ATG5: variants seen among roughly 807,000 people sequenced by gnomAD.
ATG5 encodes autophagy protein 5.
In ATG5, 14 loss-of-function variants were observed where a neutral mutation model predicts 36.5. The observed-to-expected ratio is 0.38, with a 90% CI of 0.25 to 0.60. ATG5 has a LOEUF of 0.60. ATG5 is among the 20% of genes least tolerant of loss of function. The pLI, the probability that ATG5 is intolerant of heterozygous loss-of-function variation, is 0.60. For missense variants in ATG5, 195 were observed against 326.7 expected (o/e 0.60, Z 3.11); for synonymous variants, 95 against 101.5 (o/e 0.94, Z 0.38).
intron 4 of ATG5, among the ~76,000 whole-genome samples, chr6:106,286,118 C>T (rs145476582): frequency 9.6e-4 from 146 of 151,410 alleles, no homozygotes; most frequent in Non-Finnish European, 1.9e-3. Flanking sequence ...GCAACCCAGG[C>T]CTCAGCCAAG....
intron 2 of ATG5, among the ~76,000 whole-genome samples, chr6:106,314,890 C>T (rs968991142): frequency 6.6e-6 from 1 of 152,068 alleles, no homozygotes; most frequent in Non-Finnish European, 1.5e-5. Context: ...AGATTACTCA[C>T]GTGTATATAA....
At chr6:106,196,824 C>G (rs1776214422) in intron 7 of ATG5, among the ~76,000 whole-genome samples, 2 of 110,506 alleles carry the variant, frequency 1.8e-5, no homozygotes, top group Non-Finnish European at 4.5e-5. Flanking sequence ...ACTCTAGGCA[C>G]TCCTTAACCA....
chr6:106,249,305 T>C (rs942943832), intron 5 of ATG5, among the ~76,000 whole-genome samples: 1 of 152,196 alleles, frequency 6.6e-6, no homozygotes. Context: ...TCTATCTCTA[T>C]AGTTTGCCTA....
rs1044680295 is a variant in ATG5, at chr6:106,262,342, G to C, written c.479-14098C>G. 3.9e-5 allele frequency among the ~76,000 whole-genome samples: 6 copies of C among 152,094 alleles called. No individual in the cohort carries two copies. In the East Asian group the frequency reaches 1.2e-3, roughly 29 times the overall value. ...GCCTCCCAAAGTGCTGGGATTACAG[G>C]CATGAGCCACTGCACCCGGCCGGTC... is the stretch of plus-strand genomic sequence containing the variant. On this transcript the variant is annotated intron_variant, in intron 5 of 7. Coordinates refer to ENST00000369076, the MANE Select transcript of ATG5 (RefSeq NM_004849.4).
At chr6:106,261,088 C>G (rs1236330106) in intron 5 of ATG5, among the ~76,000 whole-genome samples, 2 of 152,042 alleles carry the variant, frequency 1.3e-5, no homozygotes, top group Non-Finnish European at 2.9e-5. Context: ...AGAGACTAGG[C>G]AAGTTTAAAT....
chr6:106,313,251 G>A (rs1339485072), intron 2 of ATG5, among the ~76,000 whole-genome samples: 1 of 152,176 alleles, frequency 6.6e-6, no homozygotes, highest in African/African-American at 2.4e-5. Context: ...AGAAAGTTAA[G>A]GGAGGTCCTA....
At chr6:106,192,637 T>A (rs1000171959) in intron 7 of ATG5, among the ~76,000 whole-genome samples, 12 of 152,196 alleles carry the variant, frequency 7.9e-5, no homozygotes, top group Non-Finnish European at 1.6e-4. Context: ...AAGTCTAAGA[T>A]CAAATGATAT....
At chr6:106,312,555 G>A (rs1770687641) in intron 2 of ATG5, among the ~76,000 whole-genome samples, 1 of 150,784 alleles carries the variant, frequency 6.6e-6, no homozygotes. Flanking sequence ...TGAAAAAAAA[G>A]AAAGCAGAGC....
intron 2 of ATG5, among the ~76,000 whole-genome samples, chr6:106,309,093 G>C (rs973466837): frequency 1.1e-4 from 17 of 152,138 alleles, no homozygotes; most frequent in African/African-American, 4.1e-4. Flanking sequence ...GAACCGACAA[G>C]TAGATAAAAG....
chr6:106,251,536 T>A (rs1169419421), intron 5 of ATG5, among the ~76,000 whole-genome samples: 1 of 147,348 alleles, frequency 6.8e-6, no homozygotes, highest in African/African-American at 2.5e-5. Flanking sequence ...AAAAAAAAAA[T>A]CTGTATTAAT....
At chr6:106,233,896 T>C (rs546495029) in intron 6 of ATG5, among the ~76,000 whole-genome samples, 3 of 152,202 alleles carry the variant, frequency 2.0e-5, no homozygotes, top group Non-Finnish European at 2.9e-5. Context: ...GAATGCGGCT[T>C]CCCAGAAATA....
intron 4 of ATG5, among the ~76,000 whole-genome samples, chr6:106,288,945 T>TGC (rs1780195513): frequency 1.3e-5 from 2 of 152,182 alleles, no homozygotes. Flanking sequence ...TGTGTGTGTG[T>TGC]GTGTGGCAGA....
chr6:106,236,321 T>C (rs145922719), intron 6 of ATG5, among the ~76,000 whole-genome samples: 16 of 152,312 alleles, frequency 1.1e-4, no homozygotes, highest in African/African-American at 3.6e-4. Context: ...TTCTCGGACA[T>C]ATATTTTCAT....
intron 6 of ATG5, among the ~76,000 whole-genome samples, chr6:106,246,473 T>C (rs1474054491): frequency 6.7e-6 from 1 of 150,000 alleles, no homozygotes; most frequent in East Asian, 2.0e-4. Context: ...TGTATTATAA[T>C]AACACAACAC....
intron 1 of ATG5, among the ~76,000 whole-genome samples, chr6:106,318,843 A>T (rs143576190): frequency 3.0e-4 from 46 of 152,366 alleles, no homozygotes; most frequent in African/African-American, 9.6e-4. Context: ...TATATAAGAA[A>T]GCATGTCTCC....
At chr6:106,292,664 A>G (rs1780360224) in intron 4 of ATG5, among the ~76,000 whole-genome samples, 1 of 152,152 alleles carries the variant, frequency 6.6e-6, no homozygotes, top group Non-Finnish European at 1.5e-5. Flanking sequence ...TTTATTTTTT[A>G]TAGAGGCAGG....
rs923145948 is a variant in ATG5, at chr6:106,195,832, A to C, written c.691+6140T>G. On this transcript the variant is annotated intron_variant, in intron 7 of 7. Transcript: ENST00000369076. ...CTAAAAAAAAAAAAAAAAAAAAAAAACCACAAGGGAAGTCACACTGTGTAT... is the reference window on the plus strand; with the variant it reads ...CTAAAAAAAAAAAAAAAAAAAAAAACCCACAAGGGAAGTCACACTGTGTAT... Among the ~76,000 whole-genome samples the C allele has an allele frequency of 3.5e-5, 5 of 144,234 alleles. No individual in the cohort carries two copies. In the East Asian group the frequency reaches 6.1e-4, roughly 17 times the overall value. 94.6% of individuals were successfully genotyped at this position (144,234 alleles called of 152,430 possible).
At chr6:106,214,703 G>T (rs117494489) in intron 6 of ATG5, among the ~76,000 whole-genome samples, 1 of 152,084 alleles carries the variant, frequency 6.6e-6, no homozygotes, top group Non-Finnish European at 1.5e-5. Flanking sequence ...TCAAATAAGC[G>T]CAACACTTTG....
rs561412031 is a variant in ATG5 at position 106,214,756 on chromosome 6, GAAGT to G, written c.574-12671_574-12668del. On this transcript the variant is annotated intron_variant, in intron 6 of 7. Transcript: ENST00000369076. The stretch of plus-strand genomic sequence containing the variant: ...TTGACTGAATAACGTGTGGTACAGA[GAAGT>G]AATACTTCCCTTTCTTGGGATCGAG... Among the ~76,000 whole-genome samples, 21 of 152,276 alleles carry G rather than the reference GAAGT, an allele frequency of 1.4e-4. No individual in the cohort carries two copies. In the South Asian group the frequency reaches 4.4e-3, roughly 32 times the overall value.
Sources: gnomAD v4.1 joint callset for allele counts (sites outside exome capture counted in the v4.1 genomes callset) on GRCh38, gnomAD v4.1.1 for gene constraint, MANE v1.5 for transcripts, NCBI Gene and HGNC (gene_info 2026-07-23, HGNC 2026-07-21) for gene names.